Variants in MLIP observed in about 807,000 individuals in gnomAD.
MLIP encodes muscular LMNA interacting protein, also known as muscular LMNA-interacting protein.
In MLIP, 79 loss-of-function variants were observed where a neutral mutation model predicts 84.8. The observed-to-expected ratio is 0.93, with a 90% CI of 0.78 to 1.12. MLIP has a LOEUF of 1.12. Ranked by LOEUF, MLIP falls within the 50% of genes most tolerant of loss-of-function variation. The pLI is 0.00. For synonymous variants in MLIP, 504 were observed against 463.0 expected (o/e 1.09, Z -1.14); for missense variants, 1,257 against 1,160.6 (o/e 1.08, Z -1.21).
At chr6:54,177,945 C>T (rs191114175) in intron 9 of MLIP, among the ~76,000 whole-genome samples, 5 of 152,222 alleles carry the variant, frequency 3.3e-5, no homozygotes, top group African/African-American at 1.2e-4. Context: ...AATACAGGAA[C>T]AGAAAACCAA....
At chr6:54,030,851 A>G (rs114471236) in intron 1 of MLIP, among the ~76,000 whole-genome samples, 3 of 152,308 alleles carry the variant, frequency 2.0e-5, no homozygotes, top group Non-Finnish European at 4.4e-5. Flanking sequence ...TATGAAGCAA[A>G]GAAATATACA....
At chr6:54,175,106 T>C (rs1776150472) in intron 9 of MLIP, among the ~76,000 whole-genome samples, 2 of 152,066 alleles carry the variant, frequency 1.3e-5, no homozygotes, top group Admixed American at 6.6e-5. Context: ...CATTGGTCTA[T>C]GTGTCTGTTT....
intron 1 of MLIP, among the ~76,000 whole-genome samples, chr6:54,076,999 G>A (rs1019111215): frequency 6.6e-6 from 1 of 152,214 alleles, no homozygotes; most frequent in African/African-American, 2.4e-5. Flanking sequence ...GGACTAGGGT[G>A]AATGATCCAC....
chr6:54,114,899 G>A (rs991739929), intron 1 of MLIP, among the ~76,000 whole-genome samples: 1 of 152,168 alleles, frequency 6.6e-6, no homozygotes, highest in Non-Finnish European at 1.5e-5. Flanking sequence ...ATAAAAAAGG[G>A]CAGAGATGCA....
intron 1 of MLIP, among the ~76,000 whole-genome samples, chr6:54,043,635 T>C (rs1303524679): frequency 6.6e-6 from 1 of 152,194 alleles, no homozygotes; most frequent in African/African-American, 2.4e-5. Flanking sequence ...ATTAACACTG[T>C]GAATTATGTC....
intron 1 of MLIP, among the ~76,000 whole-genome samples, chr6:54,022,585 T>A (rs2150262668): frequency 6.6e-6 from 1 of 152,240 alleles, no homozygotes; most frequent in African/African-American, 2.4e-5. Flanking sequence ...AGACAACAAA[T>A]CTTGACTATT....
At chr6:54,093,329 AATTCTATTCTATTCTATTCTATTCT>A (rs70980891) in intron 1 of MLIP, among the ~76,000 whole-genome samples, 44 of 134,078 alleles carry the variant, frequency 3.3e-4, no homozygotes, top group African/African-American at 8.7e-4. Flanking sequence ...TTTTCGATTA[AATTCTATTCTATTCTATTCTATTCT>A]ATTCTATTCT....
At chr6:54,054,965 A>G (rs1582042549) in intron 1 of MLIP, among the ~76,000 whole-genome samples, 1 of 150,344 alleles carries the variant, frequency 6.7e-6, no homozygotes, top group Non-Finnish European at 1.5e-5. Context: ...TCGGCTCACT[A>G]CAAGCTCCGC....
rs1015005762 is a variant in MLIP, at chr6:54,105,681, G to T, written c.64-15766G>T. ...GTAGAGAGTGCTGGCAGGGGGGCAG[G>T]TGTGGGATTGCAATTTTATATAAGG... On this transcript the variant is annotated intron_variant, in intron 1 of 12. Coordinates refer to the MLIP transcript ENST00000274897. Among the ~76,000 whole-genome samples, 3 of 152,282 alleles carry T rather than the reference G, an allele frequency of 2.0e-5. No individual in the cohort carries two copies. The East Asian group carries it at 5.8e-4, about 29-fold the overall frequency.
chr6:54,108,102 C>T (rs1769151706), upstream of MLIP, among the ~76,000 whole-genome samples: 1 of 152,064 alleles, frequency 6.6e-6, no homozygotes, highest in South Asian at 2.1e-4. Flanking sequence ...GTGACGGATG[C>T]CTGCTTCAGC....
At chr6:54,186,085 A>C (rs556825408) in intron 9 of MLIP, among the ~76,000 whole-genome samples, 6 of 152,078 alleles carry the variant, frequency 3.9e-5, no homozygotes, top group Non-Finnish European at 7.3e-5. Context: ...CACTGTGTAC[A>C]AAGGACTTCA....
At chr6:54,192,545 G>T (rs1012576694) in intron 10 of MLIP, among the ~76,000 whole-genome samples, 2 of 151,658 alleles carry the variant, frequency 1.3e-5, no homozygotes, top group Non-Finnish European at 2.9e-5. Flanking sequence ...TTCAATATTT[G>T]CCATCACGAA....
At chr6:54,023,672 C>T (rs966464104) in intron 1 of MLIP, among the ~76,000 whole-genome samples, 4 of 151,874 alleles carry the variant, frequency 2.6e-5, no homozygotes, top group Non-Finnish European at 4.4e-5. Flanking sequence ...CGAGTTCAAG[C>T]GATTCTCCTG....
intron 1 of MLIP, among the ~76,000 whole-genome samples, chr6:54,026,499 T>C (rs1378030641): frequency 6.6e-6 from 1 of 152,144 alleles, no homozygotes; most frequent in Non-Finnish European, 1.5e-5. Context: ...TGCAAAAGAA[T>C]CTATAGCAAG....
Position 54,039,147 on chromosome 6 carries a change from C to T in MLIP, c.63+20056C>T, listed in dbSNP as rs537224884. ...AGGTATGAGCAAAACTATACAAGAT[C>T]TTTGGAAATTGGAATTTCTAGTAAT... On this transcript the variant is annotated intron_variant, in intron 1 of 12. Transcript: ENST00000274897. 7.2e-5 allele frequency among the ~76,000 whole-genome samples: 11 copies of T among 151,936 alleles called. 1 individual carries two copies. In the South Asian group the frequency reaches 2.3e-3, roughly 31 times the overall value.
intron 11 of MLIP, among the ~76,000 whole-genome samples, chr6:54,207,391 A>G: frequency 6.7e-6 from 1 of 149,618 alleles, no homozygotes; most frequent in East Asian, 2.0e-4. Context: ...TCATACACAG[A>G]ATTTCCATCA....
chr6:54,104,579 G>A (rs1768878324), intron 1 of MLIP, among the ~76,000 whole-genome samples: 1 of 152,102 alleles, frequency 6.6e-6, no homozygotes, highest in Non-Finnish European at 1.5e-5. Flanking sequence ...ATACTTAGTA[G>A]ACCGGAAATA....
intron 3 of MLIP, among the ~76,000 whole-genome samples, chr6:54,130,839 A>T (rs1341944832): frequency 6.6e-6 from 1 of 152,136 alleles, no homozygotes; most frequent in African/African-American, 2.4e-5. Context: ...ACATAAGAAC[A>T]GGGTGGAAGA....
At chr6:54,129,357 T>A (rs1001719514) in intron 3 of MLIP, among the ~76,000 whole-genome samples, 5 of 152,158 alleles carry the variant, frequency 3.3e-5, no homozygotes, top group African/African-American at 9.7e-5. Flanking sequence ...CTGCTTCCCA[T>A]CACCTAATAC....
Sources: allele counts gnomAD v4.1 joint callset (sites outside exome capture counted in the v4.1 genomes callset), GRCh38; gene constraint gnomAD v4.1.1; transcripts MANE v1.5; gene names NCBI Gene and HGNC (gene_info 2026-07-23, HGNC 2026-07-21).